The following FAT2 variants were observed in gnomAD, a reference collection of about 807,000 sequenced individuals.
FAT2 encodes FAT atypical cadherin 2, also known as protocadherin Fat 2.
A neutral mutation model predicts 295.3 loss-of-function variants in FAT2; 150 were observed. The ratio of observed to expected loss-of-function variants is 0.51; its 90% CI spans 0.44 to 0.58. The LOEUF (loss-of-function observed/expected upper bound fraction) is 0.58. Among genes scored for constraint, FAT2 ranks in the 20% least tolerant of loss-of-function variants. The pLI is 0.00. For missense variants in FAT2, 4,868 were observed against 5,442.7 expected (o/e 0.89, Z 3.32); for synonymous variants, 2,026 against 2,150.3 (o/e 0.94, Z 1.60).
chr5:151,575,015 G>A (rs1053388115), intron 1 of FAT2, among the ~76,000 whole-genome samples: 1 of 152,182 alleles, frequency 6.6e-6, no homozygotes, highest in Non-Finnish European at 1.5e-5. Context: ...ACAGGTGAAA[G>A]CACAGGGAGG....
rs753135006 is a variant in FAT2 at position 151,549,381 on chromosome 5, A to C, written c.4703T>G (p.Ile1568Arg). ...LHYEASVPDTIAPGTELLQVR... is the reference protein window; with the variant it reads ...LHYEASVPDTRAPGTELLQVR... ...CTGCAGCAGCTCTGTGCCGGGGGCT[A>C]TGGTGTCAGGAACACTTGCCTCATA... The change falls in exon 9 of 24, where the codon ATA (isoleucine) becomes AGA (arginine). Residue 1568 changes from isoleucine (I) to arginine (R), a missense_variant. Ile to Arg is a moderately conservative substitution (Grantham distance 97). Transcript: ENST00000261800. 6.2e-7 allele frequency: 1 copy of C among 1,614,058 alleles called. No homozygotes were observed. The highest frequency in any genetic ancestry group is 1.7e-5 in the Admixed American group (1 of 60,020).
chr5:151,520,372 G>A (rs1753317093), intron 19 of FAT2, among the ~76,000 whole-genome samples: 1 of 152,188 alleles, frequency 6.6e-6, no homozygotes, highest in Non-Finnish European at 1.5e-5. Flanking sequence ...TTTGAATAAC[G>A]AGGCCTTCAT....
intron 22 of FAT2, among the ~76,000 whole-genome samples, chr5:151,508,249 G>A (rs751724381): frequency 1.3e-5 from 2 of 152,218 alleles, no homozygotes; most frequent in Non-Finnish European, 2.9e-5. Context: ...TGCCCGAAAT[G>A]TCACTACCAG....
intron 1 of FAT2, among the ~76,000 whole-genome samples, chr5:151,585,319 A>G (rs1040490276): frequency 6.6e-6 from 1 of 152,240 alleles, no homozygotes; most frequent in Admixed American, 6.5e-5. Context: ...AGTTCACTTT[A>G]TAAAAATTTA....
chr5:151,585,360 C>T (rs1287460491), intron 1 of FAT2, among the ~76,000 whole-genome samples: 1 of 152,190 alleles, frequency 6.6e-6, no homozygotes, highest in Non-Finnish European at 1.5e-5. Flanking sequence ...GCCTATAATC[C>T]CAGCACTTTG....
At chr5:151,528,275 T>C in intron 15 of FAT2, 142 bp from the exon 16 acceptor site, 1 of 901,128 alleles carries the variant, frequency 1.1e-6, no homozygotes, top group Non-Finnish European at 1.7e-6. Flanking sequence ...GCCAAAGTAA[T>C]CTCTTCACTT....
In FAT2 at chr5:151,543,893, A is replaced by T; in HGVS notation, c.7234T>A (p.Ser2412Thr). 1 of 1,614,200 alleles carries T rather than the reference A, an allele frequency of 6.2e-7. No individual in the cohort carries two copies. Among genetic ancestry groups the T allele is most frequent in the Non-Finnish European group, 8.5e-7 (1 of 1,180,042 alleles). ...GAAAGAATCAGGTACTCCAGGCGGG[A>T]GGTGTCTCTGCTGTCAGGGTCAATA... The part of the protein sequence containing the change: ...QAIDPDSRDT[S>T]RLEYLILSGN... The change falls in exon 10 of 24, where the codon TCC (serine) becomes ACC (threonine). Residue 2412 changes from serine to threonine, a missense_variant. Physicochemically the swap from Ser to Thr is moderately conservative, Grantham distance 58 (BLOSUM62 1). Coordinates refer to ENST00000261800, the MANE Select transcript of FAT2 (RefSeq NM_001447.3).
intron 1 of FAT2, among the ~76,000 whole-genome samples, chr5:151,576,154 T>C (rs544820615): frequency 6.6e-6 from 1 of 152,216 alleles, no homozygotes; most frequent in Admixed American, 6.5e-5. Flanking sequence ...AAAATTGAGA[T>C]CTTAATATGT....
Position 151,525,830 on chromosome 5 carries a change from A to G in FAT2, c.10444T>C (p.Trp3482Arg), listed in dbSNP as rs1753922361. 6.2e-7 allele frequency: 1 copy of G among 1,614,026 alleles called. No homozygotes were observed. The highest frequency in any genetic ancestry group is 8.5e-7 in the Non-Finnish European group (1 of 1,180,030). ...GSAFRVTPDGWLVTAEGLSRR... is the reference protein window; with the variant it reads ...GSAFRVTPDGRLVTAEGLSRR... The stretch of plus-strand genomic sequence containing the variant: ...CTTAGGCCCTCAGCAGTCACCAGCC[A>G]TCCATCCGGGGTCACTCGGAAGGCA... Residue 3482 changes from tryptophan to arginine, a missense_variant, in exon 18 of 24, where the codon TGG becomes CGG. Around this residue, in one of 5 missense-constraint regions of FAT2, gnomAD observed 1,046 missense variants for 1,210.1 expected, o/e 0.86. Coordinates refer to ENST00000261800, the MANE Select transcript of FAT2 (RefSeq NM_001447.3).
rs1760782955 is a variant in FAT2 at position 151,505,677 on chromosome 5, T to C, written c.12938A>G (p.Glu4313Gly). The C allele has an allele frequency of 6.2e-7, 1 of 1,613,872 alleles. No individual in the cohort carries two copies. The highest frequency in any genetic ancestry group is 1.3e-5 in the African/African-American group (1 of 74,908). The change falls in exon 24 of 24, where the codon GAG (glutamate) becomes GGG (glycine). Residue 4313 changes from glutamate to glycine, a missense_variant. This residue lies in a region of FAT2 where 492 missense variants were observed against 482.6 expected (regional missense o/e 1.02). Transcript: ENST00000261800. Reference protein sequence around the residue: ...SRAGPSYAVCEVEGAPLAGQG... With the variant: ...SRAGPSYAVCGVEGAPLAGQG... ...GCCTGCAAGAGGTGCCCCCTCCACC[T>C]CACAGACAGCATAAGAGGGCCCAGC...
chr5:151,557,699 C>G (rs1451511241), intron 3 of FAT2, among the ~76,000 whole-genome samples: 5 of 152,228 alleles, frequency 3.3e-5, no homozygotes, highest in Admixed American at 3.3e-4. Context: ...AAACAAATGT[C>G]TTTTATTGCC....
In FAT2 at chr5:151,553,283, A is replaced by G. The variant is rs61743255; in HGVS notation, c.4050T>C (p.Asp1350=). 2,602 of 1,614,152 alleles carry G rather than the reference A, an allele frequency of 1.6e-3. 30 individuals carry two copies. In the African/African-American group the frequency reaches 0.03, roughly 19 times the overall value. The change falls in exon 6 of 24, where the codon GAT becomes GAC. Residue 1350 remains aspartate (D), a synonymous_variant. Coordinates refer to ENST00000261800, the MANE Select transcript of FAT2 (RefSeq NM_001447.3). ...PRPSSIPLAF[D]ETYYSFTVME... is the part of the protein sequence containing the mutation. ...TGACCGTAAAGCTGTAGTAGGTCTCATCAAAGGCCAGAGGGATGGAGGACG... is the reference window on the plus strand; with the variant it reads ...TGACCGTAAAGCTGTAGTAGGTCTCGTCAAAGGCCAGAGGGATGGAGGACG...
At chr5:151,585,022 T>C (rs2127663072) in intron 1 of FAT2, among the ~76,000 whole-genome samples, 1 of 152,360 alleles carries the variant, frequency 6.6e-6, no homozygotes, top group African/African-American at 2.4e-5. Context: ...TAAATTAGGC[T>C]GCCCCTGAAA....
chr5:151,564,308 G>A (rs183096766), intron 2 of FAT2, among the ~76,000 whole-genome samples: 13 of 152,336 alleles, frequency 8.5e-5, no homozygotes, highest in Admixed American at 6.5e-4. Context: ...TAACAGAGAC[G>A]ACCGCTGGGG....
intron 1 of FAT2, among the ~76,000 whole-genome samples, chr5:151,586,540 G>A (rs981537963): frequency 6.6e-5 from 10 of 152,260 alleles, no homozygotes; most frequent in South Asian, 4.1e-4. Context: ...CACTGTGGTC[G>A]GCCAAGGGGG....
chr5:151,529,311 G>T lies in FAT2; in HGVS notation c.9893C>A (p.Ser3298Tyr). 1 of 1,613,948 alleles carries T rather than the reference G, an allele frequency of 6.2e-7. No homozygotes were observed. Among genetic ancestry groups the T allele is most frequent in the Non-Finnish European group, 8.5e-7 (1 of 1,179,846 alleles). ...TGTGGTCACGTCACTGAGGGAAGAG[G>T]AGCTCTTCCGGCTGCACTCAATGGA... ...FLSIECSRKS[S>Y]SSLSDVTTVM... Residue 3298 changes from serine (S) to tyrosine (Y), a missense_variant, in exon 15 of 24, where the codon TCC becomes TAC. By Grantham distance (144) the Ser-to-Tyr change is moderately radical (BLOSUM62 -2). Coordinates refer to ENST00000261800, the MANE Select transcript of FAT2 (RefSeq NM_001447.3).
chr5:151,580,532 T>C (rs531316264), intron 1 of FAT2, among the ~76,000 whole-genome samples: 1 of 152,348 alleles, frequency 6.6e-6, no homozygotes, highest in African/African-American at 2.4e-5. Context: ...TTTCTGTACA[T>C]GTGCGGACTC....
At chr5:151,516,092 T>C (rs936130666) in intron 20 of FAT2, among the ~76,000 whole-genome samples, 1 of 152,208 alleles carries the variant, frequency 6.6e-6, no homozygotes, top group South Asian at 2.1e-4. Flanking sequence ...CACATTGCTA[T>C]TCCCTCTATC....
intron 22 of FAT2, among the ~76,000 whole-genome samples, chr5:151,509,289 G>GT (rs1331717835): frequency 6.6e-6 from 1 of 152,256 alleles, no homozygotes; most frequent in Non-Finnish European, 1.5e-5. Context: ...TTCTGAGACA[G>GT]TATGTTCAGA....
Sources: allele counts gnomAD v4.1 joint callset (sites outside exome capture counted in the v4.1 genomes callset), GRCh38; gene constraint gnomAD v4.1.1; regional missense constraint gnomAD v4.1.1; transcripts MANE v1.5; gene names NCBI Gene and HGNC (gene_info 2026-07-23, HGNC 2026-07-21).